Variants in NCS1 observed in about 807,000 individuals in gnomAD.
NCS1 encodes neuronal calcium sensor 1, also known as frequenin homolog.
NCS1 carries 6 observed loss-of-function variants against 28.4 expected under a neutral mutation model. The ratio of observed to expected loss-of-function variants is 0.21; its 90% confidence interval spans 0.12 to 0.42. The LOEUF (loss-of-function observed/expected upper bound fraction) is 0.42. Among genes scored for constraint, NCS1 ranks in the 10% least tolerant of loss-of-function variants. The probability of loss-of-function intolerance (pLI) is 1.00; values close to 1 mark genes in which losing one functional copy is unlikely to be tolerated. For missense variants in NCS1, 131 were observed against 241.4 expected, an observed-to-expected ratio of 0.54 and a Z score of 3.03; for synonymous variants, 86 against 99.3, an observed-to-expected ratio of 0.87 and a Z score of 0.79.
chr9:130,174,493 C>T (rs374038210), intron 1 of NCS1, among the ~76,000 whole-genome samples: 167 of 152,258 alleles, frequency 1.1e-3, no homozygotes, highest in African/African-American at 2.8e-3. Flanking sequence ...ACTTGAACTC[C>T]GGTCTGTCCT....
intron 4 of NCS1, among the ~76,000 whole-genome samples, chr9:130,222,144 A>T (rs926850288): frequency 7.0e-6 from 1 of 142,588 alleles, no homozygotes; most frequent in African/African-American, 2.6e-5. Context: ...ATATATACGT[A>T]TATATATATG....
chr9:130,199,657 G>A (rs1440382258), intron 1 of NCS1, among the ~76,000 whole-genome samples: 1 of 152,260 alleles, frequency 6.6e-6, no homozygotes, highest in African/African-American at 2.4e-5. Flanking sequence ...AAGAGCCGTT[G>A]AGCTAAAGCA....
At chr9:130,217,148 G>C (rs1342988292) in intron 2 of NCS1, among the ~76,000 whole-genome samples, 4 of 152,226 alleles carry the variant, frequency 2.6e-5, no homozygotes, top group African/African-American at 7.2e-5. Flanking sequence ...GCTTGAGGCT[G>C]TACAGGCAGT....
intron 2 of NCS1, 43 bp downstream of exon 2, chr9:130,201,025 G>C: frequency 2.5e-6 from 4 of 1,612,880 alleles, no homozygotes; most frequent in Non-Finnish European, 1.7e-6. Context: ...GGCTGCGGCT[G>C]TGGGCTTTGT....
intron 1 of NCS1, among the ~76,000 whole-genome samples, chr9:130,183,746 T>C (rs1367621906): frequency 7.2e-6 from 1 of 138,536 alleles, no homozygotes; most frequent in African/African-American, 2.5e-5. Context: ...CTTCCTTCCT[T>C]CTTTCTCTTT....
chr9:130,175,549 TG>T lies in NCS1; in HGVS notation c.64+2827del, dbSNP rs1325074732. Among the ~76,000 whole-genome samples the T allele has an allele frequency of 2.0e-5, 3 of 152,234 alleles. No homozygotes were observed. Among genetic ancestry groups the T allele is most frequent in the Non-Finnish European group, 4.4e-5 (3 of 67,980 alleles). ...TGAAGACCACAGTTCCAGTGTATGC[TG>T]GGGGTCCTAGCCCACCTCATGCATA... On this transcript the variant is annotated intron_variant, in intron 1 of 7. Coordinates refer to ENST00000372398, the MANE Select transcript of NCS1 (RefSeq NM_014286.4). This position sits in a 1 kb window ranked among gnomAD's most constrained non-coding sequence, Gnocchi z 4.9.
chr9:130,210,561 G>A (rs1554908640), intron 2 of NCS1, among the ~76,000 whole-genome samples: 1 of 152,120 alleles, frequency 6.6e-6, no homozygotes, highest in African/African-American at 2.4e-5. Context: ...GGAGGTCGTA[G>A]ATCAGGGCTT....
In NCS1 at chr9:130,219,127, C is replaced by T. The variant is rs571331311; in HGVS notation, c.229-598C>T. ...TTATCTGCGATGACCCTGATTCTGTCCTGCAGTAGCATTTGAGGGTGGATT... is the reference window on the plus strand; with the variant it reads ...TTATCTGCGATGACCCTGATTCTGTTCTGCAGTAGCATTTGAGGGTGGATT... On this transcript the variant is annotated intron_variant, in intron 3 of 7. Coordinates refer to ENST00000372398, the MANE Select transcript of NCS1 (RefSeq NM_014286.4). This position sits in a 1 kb window ranked among gnomAD's most constrained non-coding sequence, Gnocchi z 5.7. Among the ~76,000 whole-genome samples the T allele has an allele frequency of 3.9e-5, 6 of 152,216 alleles. No homozygotes were observed. The East Asian group carries it at 1.2e-3, about 29-fold the overall frequency.
At chr9:130,194,230 G>T (rs1223673549) in intron 1 of NCS1, among the ~76,000 whole-genome samples, 3 of 151,340 alleles carry the variant, frequency 2.0e-5, no homozygotes, top group African/African-American at 7.3e-5. Flanking sequence ...ATCCTCCTGG[G>T]CTCCTGGGAC....
At chr9:130,230,568 G>T (rs782081684) in intron 7 of NCS1, among the ~76,000 whole-genome samples, 2 of 152,076 alleles carry the variant, frequency 1.3e-5, no homozygotes, top group African/African-American at 4.8e-5. Context: ...AATTAGCCAG[G>T]TGTGGTGGCA....
At chr9:130,201,124 G>T (rs1289159616) in intron 2 of NCS1, 142 bp downstream of exon 2, 4 of 1,149,750 alleles carry the variant, frequency 3.5e-6, no homozygotes, top group Admixed American at 3.5e-5. Flanking sequence ...GACAGCCTTT[G>T]TTCAGTGGCC....
At position 130,191,969 on chromosome 9, in the gene NCS1, G is replaced by T. The variant is rs181592480; in HGVS notation, c.65-8989G>T. ...CGTGATGGGGGGCTGGAGGGCAGAA[G>T]GGCTGGGGAACGCGCGGCGAGTGGG... On this transcript the variant is annotated intron_variant, in intron 1 of 7. Transcript: ENST00000372398. This position sits in a 1 kb window ranked among gnomAD's most constrained non-coding sequence, Gnocchi z 6.4. Among the ~76,000 whole-genome samples the T allele has an allele frequency of 2.6e-5, 4 of 152,216 alleles. No individual in the cohort carries two copies. Among genetic ancestry groups the T allele is most frequent in the South Asian group, 2.1e-4 (1 of 4,834 alleles).
chr9:130,200,524 C>A (rs1832927020), intron 1 of NCS1: 10 of 1,541,964 alleles, frequency 6.5e-6, no homozygotes, highest in East Asian at 2.4e-5. Flanking sequence ...CTCCCCCCAC[C>A]CCCCCACATA....
In NCS1 at chr9:130,237,080, C is replaced by T. The variant is rs1833604998; in HGVS notation, c.*4108C>T. 1 of 152,350 alleles carries T rather than the reference C, an allele frequency of 6.6e-6. No individual in the cohort carries two copies. The highest frequency in any genetic ancestry group is 1.5e-5 in the Non-Finnish European group (1 of 68,168). 9.4% of individuals were successfully genotyped at this position (152,350 alleles called of 1,614,324 possible). A position where few individuals can be genotyped will look rare whatever the true frequency, so the allele number is the denominator to read the frequency against. ...ACAAACAAACAAAAGGCAATGTCTT[C>T]TGGTTGTGGTTATTTCCTTTCCTGC... On this transcript the variant is annotated 3_prime_UTR_variant, in exon 8 of 8. Transcript: ENST00000372398.
In NCS1 at chr9:130,226,332, G is replaced by C. The variant is rs1554911366; in HGVS notation, c.475-57G>C. ...TTGGGACCGGCCCTGGGCTGGGCTT[G>C]TCTAGAGCCCTCTCCTGGGAGGCCC... On this transcript the variant is annotated intron_variant, in intron 6 of 7. Transcript: ENST00000372398. This position sits in a 1 kb window ranked among gnomAD's most constrained non-coding sequence, Gnocchi z 4.8. The C allele has an allele frequency of 1.1e-5, 17 of 1,482,498 alleles. No individual in the cohort carries two copies. Among genetic ancestry groups the C allele is most frequent in the Non-Finnish European group, 1.6e-5 (17 of 1,064,808 alleles). 91.8% of individuals were successfully genotyped at this position (1,482,498 alleles called of 1,614,324 possible). A position where few individuals can be genotyped will look rare whatever the true frequency, so the allele number is the denominator to read the frequency against.
Position 130,181,046 on chromosome 9 carries a change from A to G in NCS1, c.64+8319A>G, listed in dbSNP as rs1466045761. 2.0e-5 allele frequency among the ~76,000 whole-genome samples: 3 copies of G among 152,166 alleles called. No homozygotes were observed. Among genetic ancestry groups the G allele is most frequent in the African/African-American group, 7.2e-5 (3 of 41,426 alleles). The stretch of plus-strand genomic sequence containing the variant: ...GTCCCAGGACCATCATGGCCTGGAC[A>G]GTGGCTTTGGAGTCACTAGTTCCCT... On this transcript the variant is annotated intron_variant, in intron 1 of 7. Transcript: ENST00000372398. The surrounding 1 kb of genome is among the most constrained non-coding windows in gnomAD (Gnocchi z 5.0).
rs1450450225 is a variant in NCS1 at position 130,176,175 on chromosome 9, TTTCTTTCTTTCTTTCTTTC to T, written c.64+3451_64+3469del. Among the ~76,000 whole-genome samples the T allele has an allele frequency of 2.2e-3, 147 of 67,372 alleles. 10 individuals carry two copies. Among genetic ancestry groups the T allele is most frequent in the African/African-American group, 0.017 (124 of 7,108 alleles). The allele number at this position is 67,372 out of a possible 152,430, so 44.2% of individuals were successfully genotyped here. Reference sequence around the variant, plus strand: ...CTTTCTTTCTTTCTTTCTTTCTTTCTTTCTTTCTTTCTTTCTTTCTTTTTTTTTTTTTTTGGAGACAGGG... The same window carrying T: ...CTTTCTTTCTTTCTTTCTTTCTTTCTTTTTTTTTTTTTTTTGGAGACAGGG... On this transcript the variant is annotated intron_variant, in intron 1 of 7. Coordinates refer to ENST00000372398, the MANE Select transcript of NCS1 (RefSeq NM_014286.4).
intron 1 of NCS1, among the ~76,000 whole-genome samples, chr9:130,195,952 C>G (rs1408338472): frequency 6.6e-6 from 1 of 152,174 alleles, no homozygotes; most frequent in Admixed American, 6.5e-5. Flanking sequence ...CCAGACCCAC[C>G]GAGGGAGGCA....
At chr9:130,218,179 A>C (rs1833217245) in intron 3 of NCS1, among the ~76,000 whole-genome samples, 1 of 152,232 alleles carries the variant, frequency 6.6e-6, no homozygotes, top group Non-Finnish European at 1.5e-5. Context: ...ATGCATCCAA[A>C]TGCATGCACA....
Sources: gnomAD v4.1 joint callset for allele counts (sites outside exome capture counted in the v4.1 genomes callset) on GRCh38, gnomAD v4.1.1 for gene constraint, Gnocchi (gnomAD v3.1) non-coding constraint, MANE v1.5 for transcripts, NCBI Gene and HGNC (gene_info 2026-07-23, HGNC 2026-07-21) for gene names.